AFG2A: variants seen among roughly 807,000 people sequenced by gnomAD.
The protein encoded by AFG2A is AAA ATPase AFG2A, also known as ATPase family gene 2 protein homolog A.
chr4:123,243,976 CGCGCTACT>C, the AFG2A span, among the ~76,000 whole-genome samples: 1 of 152,070 alleles, frequency 6.6e-6, no homozygotes, highest in African/African-American at 2.4e-5. Flanking sequence ...GAGCCATGAT[CGCGCTACT>C]GCAGTCCAGC....
the AFG2A span, among the ~76,000 whole-genome samples, chr4:123,072,641 A>G: frequency 6.6e-6 from 1 of 152,184 alleles, no homozygotes; most frequent in Admixed American, 6.5e-5. Flanking sequence ...ACATAGCTGG[A>G]ATTTTAAACA....
the AFG2A span, among the ~76,000 whole-genome samples, chr4:123,027,514 T>C: frequency 1.3e-5 from 2 of 152,294 alleles, no homozygotes; most frequent in East Asian, 3.9e-4. Context: ...CCCAATGGCC[T>C]TTTCAGTTTG....
chr4:123,217,518 T>A, the AFG2A span, among the ~76,000 whole-genome samples: 5 of 152,286 alleles, frequency 3.3e-5, no homozygotes, highest in East Asian at 9.6e-4. Context: ...TATTTTTAGG[T>A]ATATACAGAG....
the AFG2A span, among the ~76,000 whole-genome samples, chr4:123,142,899 T>C: frequency 6.6e-6 from 1 of 152,226 alleles, no homozygotes; most frequent in East Asian, 1.9e-4. Flanking sequence ...AAGTGAGGCC[T>C]TGAGACGCAA....
At chr4:122,930,737 CTA>C in the AFG2A span, among the ~76,000 whole-genome samples, 1 of 152,138 alleles carries the variant, frequency 6.6e-6, no homozygotes, top group African/African-American at 2.4e-5. Flanking sequence ...ATTCCTCAGA[CTA>C]TGTCTTAAAA....
At chr4:123,007,666 C>CACATAT in the AFG2A span, among the ~76,000 whole-genome samples, 11 of 126,232 alleles carry the variant, frequency 8.7e-5, no homozygotes, top group South Asian at 2.8e-4. Context: ...CACACACACA[C>CACATAT]ATATATGGAC....
At chr4:123,035,506 T>G in the AFG2A span, among the ~76,000 whole-genome samples, 13 of 152,308 alleles carry the variant, frequency 8.5e-5, no homozygotes, top group East Asian at 2.5e-3. Context: ...TGAATGACTA[T>G]TAGGGAATAA....
At chr4:123,003,328 CT>C in the AFG2A span, among the ~76,000 whole-genome samples, 4 of 152,222 alleles carry the variant, frequency 2.6e-5, no homozygotes, top group African/African-American at 9.7e-5. Flanking sequence ...CTCCGTCCAG[CT>C]TTGTTCTGTT....
chr4:122,926,466 T>C, the AFG2A span, among the ~76,000 whole-genome samples: 2 of 152,266 alleles, frequency 1.3e-5, 1 homozygote, highest in South Asian at 4.1e-4. Context: ...TACTCAGTGC[T>C]GTTCATCTTA....
the AFG2A span, among the ~76,000 whole-genome samples, chr4:123,215,701 C>T: frequency 6.6e-6 from 1 of 152,064 alleles, no homozygotes; most frequent in Non-Finnish European, 1.5e-5. Context: ...ACCTTCCCTC[C>T]ACACCAACTA....
At chr4:122,927,631 T>C in the AFG2A span, 1 of 1,603,970 alleles carries the variant, frequency 6.2e-7, no homozygotes, top group Non-Finnish European at 8.5e-7. Context: ...TTTTCCTTCA[T>C]AGTAGATGAC....
the AFG2A span, among the ~76,000 whole-genome samples, chr4:123,071,258 A>T: frequency 2.0e-5 from 3 of 152,180 alleles, no homozygotes; most frequent in Admixed American, 2.0e-4. Flanking sequence ...AGGCGGGTGG[A>T]TCACCTAAGG....
At chr4:123,045,069 A>G in the AFG2A span, among the ~76,000 whole-genome samples, 1,840 of 151,896 alleles carry the variant, frequency 0.012, 43 homozygotes, top group African/African-American at 0.041. Flanking sequence ...AATATTTACG[A>G]TACCTGTTTT....
At chr4:123,028,401 G>T in the AFG2A span, 1 of 1,613,760 alleles carries the variant, frequency 6.2e-7, no homozygotes. Flanking sequence ...TAAAGGTAGG[G>T]TGTTAAATTT....
At chr4:122,937,121 G>T in the AFG2A span, among the ~76,000 whole-genome samples, 11 of 152,146 alleles carry the variant, frequency 7.2e-5, no homozygotes, top group Non-Finnish European at 1.5e-4. Context: ...CTGCACTCTA[G>T]CCTGGGCAAC....
chr4:123,047,177 CT>C, the AFG2A span, among the ~76,000 whole-genome samples: 1 of 152,154 alleles, frequency 6.6e-6, no homozygotes, highest in Non-Finnish European at 1.5e-5. Context: ...CTCCCCACTG[CT>C]TTCCGTAAAT....
At chr4:122,939,014 A>G in the AFG2A span, among the ~76,000 whole-genome samples, 1 of 150,012 alleles carries the variant, frequency 6.7e-6, no homozygotes, top group Non-Finnish European at 1.5e-5. Context: ...AATGTTTTGT[A>G]TAACATTTAA....
At chr4:123,198,447 A>G in the AFG2A span, among the ~76,000 whole-genome samples, 528 of 152,174 alleles carry the variant, frequency 3.5e-3, 4 homozygotes, top group African/African-American at 0.012. Flanking sequence ...TGTCTCCCCT[A>G]CGGTCTTTAA....
the AFG2A span, among the ~76,000 whole-genome samples, chr4:122,997,605 T>C: frequency 2.0e-5 from 3 of 152,214 alleles, no homozygotes; most frequent in Non-Finnish European, 4.4e-5. Context: ...TGAACATTCA[T>C]GTACAAGTTT....
Sources: allele counts gnomAD v4.1 joint callset (sites outside exome capture counted in the v4.1 genomes callset), GRCh38; gene constraint gnomAD v4.1.1; transcripts MANE v1.5; gene names NCBI Gene and HGNC (gene_info 2026-07-23, HGNC 2026-07-21).